The following CYP19A1 variants were observed in gnomAD, a reference collection of about 807,000 sequenced individuals.
The protein encoded by CYP19A1 is cytochrome P450 family 19 subfamily A member 1.
CYP19A1 carries 32 observed loss-of-function variants against 44.4 expected under a neutral mutation model. The ratio of observed to expected loss-of-function variants is 0.72; its 90% CI spans 0.54 to 0.97. CYP19A1 has a LOEUF of 0.97. CYP19A1 is among the 50% of genes least tolerant of loss of function. The pLI is 0.00. For synonymous variants in CYP19A1, 212 were observed against 215.6 expected, an observed-to-expected ratio of 0.98 and a Z score of 0.14; for missense variants, 598 against 637.8, an observed-to-expected ratio of 0.94 and a Z score of 0.67.
At chr15:51,224,690 A>G (rs573360359) in intron 4 of CYP19A1, among the ~76,000 whole-genome samples, 37 of 152,342 alleles carry the variant, frequency 2.4e-4, no homozygotes, top group African/African-American at 8.9e-4. Flanking sequence ...CTGCTACCAG[A>G]GGGATTTTTA....
chr15:51,287,661 C>T (rs1187675498), intron 1 of CYP19A1, among the ~76,000 whole-genome samples: 1 of 152,218 alleles, frequency 6.6e-6, no homozygotes, highest in Non-Finnish European at 1.5e-5. Flanking sequence ...CTCACCTTCC[C>T]TCATGCCCTC....
chr15:51,232,866 A>G (rs1353722408), intron 3 of CYP19A1, among the ~76,000 whole-genome samples: 1 of 152,194 alleles, frequency 6.6e-6, no homozygotes, highest in Non-Finnish European at 1.5e-5. Flanking sequence ...AATGAGTCAT[A>G]TGTGTCAGTC....
At chr15:51,253,440 T>A (rs2034401767) in intron 1 of CYP19A1, among the ~76,000 whole-genome samples, 1 of 152,154 alleles carries the variant, frequency 6.6e-6, no homozygotes, top group Admixed American at 6.5e-5. Flanking sequence ...AGTGGGGTAG[T>A]CGTGTAGCTC....
chr15:51,208,588 A>C lies in CYP19A1; in HGVS notation c.*2220T>G, dbSNP rs2030613822. ...CCTACTGAAAAGCCAATGGTATTCCAGAATTCCAAGGCCAAGCCTCTACAA... is the reference window on the plus strand; with the variant it reads ...CCTACTGAAAAGCCAATGGTATTCCCGAATTCCAAGGCCAAGCCTCTACAA... On this transcript the variant is annotated 3_prime_UTR_variant, in exon 10 of 10. Transcript: ENST00000396402. 6.6e-6 allele frequency: 1 copy of C among 152,192 alleles called. No individual in the cohort carries two copies. Among genetic ancestry groups the C allele is most frequent in the African/African-American group, 2.4e-5 (1 of 41,446 alleles). 9.4% of individuals were successfully genotyped at this position (152,192 alleles called of 1,614,324 possible).
chr15:51,305,424 A>G (rs778620166), intron 1 of CYP19A1, among the ~76,000 whole-genome samples: 67 of 152,202 alleles, frequency 4.4e-4, no homozygotes, highest in Non-Finnish European at 7.8e-4. Context: ...GCTGTGAAGC[A>G]CAAGATGCCA....
At position 51,210,380 on chromosome 15, in the gene CYP19A1, C is replaced by T. The variant is rs1247416983; in HGVS notation, c.*428G>A. The T allele has an allele frequency of 2.0e-6, 1 of 500,350 alleles. No homozygotes were observed. Among genetic ancestry groups the T allele is most frequent in the Non-Finnish European group, 3.9e-6 (1 of 253,806 alleles). 31.0% of individuals were successfully genotyped at this position (500,350 alleles called of 1,614,324 possible). On this transcript the variant is annotated 3_prime_UTR_variant, in exon 10 of 10. Transcript: ENST00000396402. ...TCACACTAGCAGGTGGGTTTGGCCC[C>T]AGGTACCCTGACATTGGCCTGGTCT...
At chr15:51,329,640 T>C (rs1383384413) in intron 1 of CYP19A1, among the ~76,000 whole-genome samples, 1 of 152,218 alleles carries the variant, frequency 6.6e-6, no homozygotes, top group African/African-American at 2.4e-5. Context: ...AGGGTGCTGC[T>C]GGTATGAAAC....
At chr15:51,313,400 G>A (rs1566922811) in intron 1 of CYP19A1, among the ~76,000 whole-genome samples, 1 of 152,170 alleles carries the variant, frequency 6.6e-6, no homozygotes, top group Non-Finnish European at 1.5e-5. Flanking sequence ...CTGAACCTTA[G>A]GAGCCATGTT....
At chr15:51,265,806 C>T (rs569103323) in intron 1 of CYP19A1, among the ~76,000 whole-genome samples, 6 of 152,278 alleles carry the variant, frequency 3.9e-5, no homozygotes, top group Admixed American at 3.3e-4. Context: ...AGGGCAGGGG[C>T]TCTCCGCTCT....
At chr15:51,218,190 T>C (rs1384833301) in intron 6 of CYP19A1, among the ~76,000 whole-genome samples, 3 of 152,182 alleles carry the variant, frequency 2.0e-5, no homozygotes, top group Admixed American at 2.0e-4. Flanking sequence ...TAGTTCCAGT[T>C]TTTTAGTTGT....
intron 4 of CYP19A1, among the ~76,000 whole-genome samples, chr15:51,224,831 C>A (rs1453395956): frequency 6.6e-6 from 1 of 152,230 alleles, no homozygotes; most frequent in East Asian, 1.9e-4. Context: ...CCCTTGGCCA[C>A]GTCCCTGAAT....
At chr15:51,218,740 T>C (rs1168148244) in intron 5 of CYP19A1, 85 bp from the exon 6 acceptor site, 22 of 1,537,976 alleles carry the variant, frequency 1.4e-5, no homozygotes, top group Non-Finnish European at 1.9e-5. Context: ...GCAGAAAACA[T>C]TCCCTGCAGA....
intron 1 of CYP19A1, among the ~76,000 whole-genome samples, chr15:51,280,836 G>A (rs1447446280): frequency 6.6e-6 from 1 of 152,180 alleles, no homozygotes; most frequent in Non-Finnish European, 1.5e-5. Flanking sequence ...TTGTCCACAG[G>A]TACCTGGACC....
rs61292383 is a variant in CYP19A1, at chr15:51,236,811, C to T, written c.296+48G>A. ...ATAAAGTTGTCTTAAGTGGAAAAAA[C>T]TCCAGCCTCGATTTAAAAAGTATGT... On this transcript the variant is annotated intron_variant, in intron 3 of 9. Coordinates refer to ENST00000396402, the MANE Select transcript of CYP19A1 (RefSeq NM_000103.4). The T allele has an allele frequency of 4.3e-5, 70 of 1,611,010 alleles. No individual in the cohort carries two copies. In the African/African-American group the frequency reaches 9.1e-4, roughly 21 times the overall value.
At chr15:51,332,135 T>G (rs1299066367) in intron 1 of CYP19A1, among the ~76,000 whole-genome samples, 2 of 152,220 alleles carry the variant, frequency 1.3e-5, no homozygotes, top group African/African-American at 4.8e-5. Flanking sequence ...TAATTAGTTA[T>G]CAAGTTTCTG....
chr15:51,281,856 T>C (rs1442007658), intron 1 of CYP19A1, among the ~76,000 whole-genome samples: 2 of 152,204 alleles, frequency 1.3e-5, no homozygotes, highest in East Asian at 3.8e-4. Context: ...CAATGACATA[T>C]ACATTTTCCC....
intron 1 of CYP19A1, among the ~76,000 whole-genome samples, chr15:51,258,366 A>G (rs2034591345): frequency 6.6e-6 from 1 of 152,116 alleles, no homozygotes; most frequent in South Asian, 2.1e-4. Context: ...GCTCTCCTTC[A>G]TTGTATATGA....
chr15:51,267,900 C>T (rs906922946), intron 1 of CYP19A1, among the ~76,000 whole-genome samples: 1 of 152,184 alleles, frequency 6.6e-6, no homozygotes, highest in African/African-American at 2.4e-5. Context: ...GGAGCCTGAA[C>T]GCCACAACTG....
At chr15:51,307,919 A>G (rs1202144618) in intron 1 of CYP19A1, among the ~76,000 whole-genome samples, 1 of 152,232 alleles carries the variant, frequency 6.6e-6, no homozygotes, top group Admixed American at 6.5e-5. Context: ...TTTATTGAGC[A>G]TCTACAGTAT....
Sources: allele counts gnomAD v4.1 joint callset (sites outside exome capture counted in the v4.1 genomes callset), GRCh38; gene constraint gnomAD v4.1.1; transcripts MANE v1.5; gene names NCBI Gene and HGNC (gene_info 2026-07-23, HGNC 2026-07-21).